The following AGPAT3 variants were observed in gnomAD, a reference collection of about 807,000 sequenced individuals.
The protein encoded by AGPAT3 is 1-acylglycerol-3-phosphate O-acyltransferase 3, also known as 1-acyl-sn-glycerol-3-phosphate acyltransferase gamma.
AGPAT3 carries 5 observed loss-of-function variants against 47.3 expected under a neutral mutation model. The observed-to-expected ratio is 0.11, with a 90% CI of 0.06 to 0.22. The LOEUF is 0.22. Among genes scored for constraint, AGPAT3 ranks in the 10% least tolerant of loss-of-function variants. The pLI is 1.00. For missense variants in AGPAT3, 315 were observed against 493.0 expected (o/e 0.64, Z 3.42); for synonymous variants, 212 against 208.3 (o/e 1.02, Z -0.15).
At chr21:43,935,030 ACCACCCACG>A (rs959162269) in intron 2 of AGPAT3, among the ~76,000 whole-genome samples, 5 of 146,878 alleles carry the variant, frequency 3.4e-5, no homozygotes, top group African/African-American at 1.3e-4. Context: ...TGTGCCGTCC[ACCACCCACG>A]CCACCCACAC....
chr21:43,910,159 G>C (rs1021747014), intron 2 of AGPAT3, among the ~76,000 whole-genome samples: 3 of 152,260 alleles, frequency 2.0e-5, no homozygotes, highest in African/African-American at 4.8e-5. Flanking sequence ...ACAGAGGACA[G>C]AGAGGGATGG....
At position 43,954,971 on chromosome 21, in the gene AGPAT3, A is replaced by G; in HGVS notation, c.-48-4663A>G. 1 of 1,098,406 alleles carries G rather than the reference A, an allele frequency of 9.1e-7. No individual in the cohort carries two copies. The allele number at this position is 1,098,406 out of a possible 1,614,324, so 68.0% of individuals were successfully genotyped here. Reference sequence around the variant, plus strand: ...GACTGGCCGCTTTGTGACACCGAGGACGGTTGATAAAGTGGATTCTCGAGG... The same window carrying G: ...GACTGGCCGCTTTGTGACACCGAGGGCGGTTGATAAAGTGGATTCTCGAGG... On this transcript the variant is annotated intron_variant, in intron 2 of 9. Coordinates refer to ENST00000291572, the MANE Select transcript of AGPAT3 (RefSeq NM_020132.5). This position sits in a 1 kb window ranked among gnomAD's most constrained non-coding sequence, Gnocchi z 4.0.
Position 43,981,099 on chromosome 21 carries a change from C to G in AGPAT3, c.954C>G (p.Leu318=). Residue 318 remains leucine (L), a synonymous_variant, in exon 9 of 10, where the codon CTC becomes CTG. Transcript: ENST00000291572. This position sits in a 1 kb window ranked among gnomAD's most constrained non-coding sequence, Gnocchi z 5.3. ...ACTTCCTGTCCTGGGCCACCATTCTCCTGTCTCCCCTCTTCAGTTTTGTCT... is the reference window on the plus strand; with the variant it reads ...ACTTCCTGTCCTGGGCCACCATTCTGCTGTCTCCCCTCTTCAGTTTTGTCT... ...LLNFLSWATI[L]LSPLFSFVLG... is the part of the protein sequence containing the mutation. 1 of 1,614,238 alleles carries G rather than the reference C, an allele frequency of 6.2e-7. No homozygotes were observed. Among genetic ancestry groups the G allele is most frequent in the African/African-American group, 1.3e-5 (1 of 75,058 alleles).
Position 43,982,262 on chromosome 21 carries a change from G to T in AGPAT3, c.1043-42G>T. 1 of 1,522,972 alleles carries T rather than the reference G, an allele frequency of 6.6e-7. No individual in the cohort carries two copies. The allele number at this position is 1,522,972 out of a possible 1,614,324, so 94.3% of individuals were successfully genotyped here. A position where few individuals can be genotyped will look rare whatever the true frequency, so the allele number is the denominator to read the frequency against. ...ACACGTTTTACAGCAAAAAGGCAAA[G>T]TCATCCGTCTCACCTCTTCTCTCTC... On this transcript the variant is annotated intron_variant, in intron 9 of 9. Coordinates refer to ENST00000291572, the MANE Select transcript of AGPAT3 (RefSeq NM_020132.5). The surrounding 1 kb of genome is among the most constrained non-coding windows in gnomAD (Gnocchi z 6.2).
At chr21:43,948,814 T>A (rs1219547887) in intron 2 of AGPAT3, among the ~76,000 whole-genome samples, 1 of 152,206 alleles carries the variant, frequency 6.6e-6, no homozygotes, top group Non-Finnish European at 1.5e-5. Context: ...TCATGTGAGA[T>A]GTGTGTTGTT....
At position 43,894,217 on chromosome 21, in the gene AGPAT3, CTTT is replaced by C. The variant is rs11370715; in HGVS notation, c.-111-9726_-111-9724del. 3.5e-3 allele frequency among the ~76,000 whole-genome samples: 488 copies of C among 140,212 alleles called. 10 individuals carry two copies. Among genetic ancestry groups the C allele is most frequent in the Admixed American group, 0.024 (336 of 14,214 alleles). 92.0% of individuals were successfully genotyped at this position (140,212 alleles called of 152,430 possible). A position where few individuals can be genotyped will look rare whatever the true frequency, so the allele number is the denominator to read the frequency against. The stretch of plus-strand genomic sequence containing the variant: ...GGGCCAGGTATTTCTTTCTTTCTTT[CTTT>C]TTTTTTTTTTTTTAACTTCTCTAAA... On this transcript the variant is annotated intron_variant, in intron 1 of 9. Transcript: ENST00000291572.
intron 2 of AGPAT3, among the ~76,000 whole-genome samples, chr21:43,929,588 C>T (rs1400006695): frequency 2.0e-5 from 3 of 152,262 alleles, no homozygotes; most frequent in Non-Finnish European, 2.9e-5. Context: ...CCCCGGTCGC[C>T]GCTGTCCTGG....
chr21:43,896,947 T>G (rs1455110116), intron 1 of AGPAT3, among the ~76,000 whole-genome samples: 2 of 142,428 alleles, frequency 1.4e-5, no homozygotes, highest in African/African-American at 5.2e-5. Flanking sequence ...CAGTCCGTTT[T>G]TTTTTTTTTT....
At chr21:43,917,443 G>T (rs2086756965) in intron 2 of AGPAT3, among the ~76,000 whole-genome samples, 1 of 152,210 alleles carries the variant, frequency 6.6e-6, no homozygotes, top group South Asian at 2.1e-4. Flanking sequence ...CCGTCTGTGT[G>T]TCCTCTCTGC....
At position 43,981,081 on chromosome 21, in the gene AGPAT3, G is replaced by T. The variant is rs561108988; in HGVS notation, c.936G>T (p.Leu312=). The part of the protein sequence containing the change: ...ARRPWTLLNF[L]SWATILLSPL... Reference sequence around the variant, plus strand: ...GGCCGTGGACCCTCCTGAACTTCCTGTCCTGGGCCACCATTCTCCTGTCTC... The same window carrying T: ...GGCCGTGGACCCTCCTGAACTTCCTTTCCTGGGCCACCATTCTCCTGTCTC... The change falls in exon 9 of 10, where the codon CTG becomes CTT. Residue 312 remains leucine (L), a synonymous_variant. Transcript: ENST00000291572. This position sits in a 1 kb window ranked among gnomAD's most constrained non-coding sequence, Gnocchi z 5.3. 3.1e-6 allele frequency: 5 copies of T among 1,614,204 alleles called. No individual in the cohort carries two copies. The East Asian group carries it at 1.1e-4, about 36-fold the overall frequency.
chr21:43,934,138 C>T lies in AGPAT3; in HGVS notation c.-48-25496C>T, dbSNP rs2087353066. 6.6e-6 allele frequency among the ~76,000 whole-genome samples: 1 copy of T among 152,224 alleles called. No homozygotes were observed. The highest frequency in any genetic ancestry group is 2.4e-5 in the African/African-American group (1 of 41,446). ...ACCTGGATGCTGGAGAACAGGCAGA[C>T]ATGGGTGCCCGGCACGCCAGCTCCC... On this transcript the variant is annotated intron_variant, in intron 2 of 9. Coordinates refer to ENST00000291572, the MANE Select transcript of AGPAT3 (RefSeq NM_020132.5). The surrounding 1 kb of genome is among the most constrained non-coding windows in gnomAD (Gnocchi z 4.7).
intron 8 of AGPAT3, 22 bp downstream of exon 8, chr21:43,978,143 T>C: frequency 6.2e-7 from 1 of 1,608,316 alleles, no homozygotes; most frequent in Non-Finnish European, 8.5e-7. Flanking sequence ...CTGCTCCCGC[T>C]CAGGGTCCCG....
intron 2 of AGPAT3, among the ~76,000 whole-genome samples, chr21:43,918,374 G>C (rs558551351): frequency 6.6e-6 from 1 of 152,196 alleles, no homozygotes; most frequent in Non-Finnish European, 1.5e-5. Context: ...CACATGGTTA[G>C]GTGAGCTTGC....
intron 2 of AGPAT3, among the ~76,000 whole-genome samples, chr21:43,949,644 G>A (rs976443504): frequency 2.0e-5 from 3 of 152,230 alleles, no homozygotes; most frequent in Non-Finnish European, 2.9e-5. Flanking sequence ...AAGGGCATGT[G>A]TTCAGGGAAG....
chr21:43,924,788 A>G (rs1397067768), intron 2 of AGPAT3, among the ~76,000 whole-genome samples: 1 of 152,122 alleles, frequency 6.6e-6, no homozygotes, highest in Non-Finnish European at 1.5e-5. Context: ...CCCTGCCGCA[A>G]GGGGCTTGGG....
At chr21:43,975,265 G>GGT (rs1270881737) in intron 7 of AGPAT3, among the ~76,000 whole-genome samples, 3 of 151,070 alleles carry the variant, frequency 2.0e-5, no homozygotes, top group African/African-American at 7.3e-5. Flanking sequence ...GGTGTGTTCT[G>GGT]GTGTGTGCTG....
chr21:43,938,316 C>CTT lies in AGPAT3; in HGVS notation c.-48-21294_-48-21293dup, dbSNP rs57776186. Among the ~76,000 whole-genome samples the CTT allele has an allele frequency of 2.4e-3, 166 of 70,494 alleles. 1 individual carries two copies. The highest frequency in any genetic ancestry group is 3.5e-3 in the Non-Finnish European group (135 of 38,652). The allele number at this position is 70,494 out of a possible 152,430, so 46.2% of individuals were successfully genotyped here. A position where few individuals can be genotyped will look rare whatever the true frequency, so the allele number is the denominator to read the frequency against. On this transcript the variant is annotated intron_variant, in intron 2 of 9. Transcript: ENST00000291572. ...AGTCAGAATTCTTGAATCTGCAAAT[C>CTT]TTTTTTTTTTTTTTTTTTTTTTTTT...
At chr21:43,884,141 G>T (rs1283304936) in intron 1 of AGPAT3, among the ~76,000 whole-genome samples, 1 of 152,124 alleles carries the variant, frequency 6.6e-6, no homozygotes, top group East Asian at 1.9e-4. Context: ...TCAGCTCGCA[G>T]GCCTTCCTGG....
chr21:43,942,614 C>T (rs1241024867), intron 2 of AGPAT3, among the ~76,000 whole-genome samples: 1 of 152,222 alleles, frequency 6.6e-6, no homozygotes, highest in Admixed American at 6.5e-5. Flanking sequence ...AGCAGCTTCT[C>T]GTTCATCTTC....
Sources: gnomAD v4.1 joint callset for allele counts (sites outside exome capture counted in the v4.1 genomes callset) on GRCh38, gnomAD v4.1.1 for gene constraint, Gnocchi (gnomAD v3.1) non-coding constraint, MANE v1.5 for transcripts, NCBI Gene and HGNC (gene_info 2026-07-23, HGNC 2026-07-21) for gene names.